Variants in PPARGC1A observed in about 807,000 individuals in gnomAD.
The protein encoded by PPARGC1A is peroxisome proliferator-activated receptor gamma coactivator 1-alpha.
In PPARGC1A, 25 loss-of-function variants were observed where a neutral mutation model predicts 88.7. The observed-to-expected ratio is 0.28, with a 90% CI of 0.21 to 0.39. The LOEUF is 0.39. PPARGC1A is among the 10% of genes least tolerant of loss of function. The pLI is 1.00. For missense variants in PPARGC1A, 880 were observed against 968.7 expected (o/e 0.91, Z 1.22); for synonymous variants, 363 against 355.6 (o/e 1.02, Z -0.24).
At chr4:23,803,990 T>C (rs894120166) in intron 10 of PPARGC1A, among the ~76,000 whole-genome samples, 1 of 152,222 alleles carries the variant, frequency 6.6e-6, no homozygotes, top group Non-Finnish European at 1.5e-5. Flanking sequence ...ACTGAACAAT[T>C]TGCAGACCCT....
chr4:24,290,838 C>T, the PPARGC1A span, among the ~76,000 whole-genome samples: 1 of 152,152 alleles, frequency 6.6e-6, no homozygotes, highest in South Asian at 2.1e-4. Flanking sequence ...GAAATCCATC[C>T]TAGGTGACAT....
At chr4:24,371,720 C>A in the PPARGC1A span, among the ~76,000 whole-genome samples, 25,714 of 150,560 alleles carry the variant, frequency 0.17, 2,321 homozygotes, top group Non-Finnish European at 0.19. Flanking sequence ...GCGGGAGGAT[C>A]ACCTGAGGTC....
At chr4:24,056,552 C>T in the PPARGC1A span, among the ~76,000 whole-genome samples, 251 of 152,182 alleles carry the variant, frequency 1.6e-3, 1 homozygote, top group African/African-American at 5.8e-3. Context: ...TGATCTGTGT[C>T]GATATGGCCA....
the PPARGC1A span, among the ~76,000 whole-genome samples, chr4:24,049,499 G>A: frequency 4.6e-5 from 7 of 151,834 alleles, no homozygotes; most frequent in South Asian, 2.1e-4. Flanking sequence ...CGGGGAAAAC[G>A]GGAAGAGAGT....
the PPARGC1A span, among the ~76,000 whole-genome samples, chr4:24,274,059 T>G: frequency 3.3e-3 from 496 of 152,092 alleles, 4 homozygotes; most frequent in African/African-American, 0.012. Context: ...TTTAAAGTCC[T>G]GTGGGGCAGC....
At chr4:23,839,057 T>C (rs948534824) in intron 2 of PPARGC1A, among the ~76,000 whole-genome samples, 1 of 152,204 alleles carries the variant, frequency 6.6e-6, no homozygotes, top group Non-Finnish European at 1.5e-5. Flanking sequence ...TTCACAGACA[T>C]AATTAGACCC....
intron 2 of PPARGC1A, among the ~76,000 whole-genome samples, chr4:23,844,490 T>TAA (rs1727692563): frequency 1.7e-4 from 4 of 23,508 alleles, no homozygotes; most frequent in South Asian, 1.5e-3. Flanking sequence ...ATTATAATAA[T>TAA]CATAATATAT....
the PPARGC1A span, among the ~76,000 whole-genome samples, chr4:24,404,368 G>C: frequency 2.0e-5 from 3 of 151,932 alleles, no homozygotes; most frequent in South Asian, 2.1e-4. Context: ...AGCCATGAAA[G>C]CCTTCTTAAA....
chr4:24,203,240 T>A, the PPARGC1A span, among the ~76,000 whole-genome samples: 2 of 152,180 alleles, frequency 1.3e-5, no homozygotes, highest in Non-Finnish European at 2.9e-5. Context: ...CTGCAGTTGT[T>A]TCATTAAGAA....
intron 2 of PPARGC1A, among the ~76,000 whole-genome samples, chr4:23,835,466 T>TTG (rs145407468): frequency 0.47 from 63,089 of 135,132 alleles, 14,601 homozygotes; most frequent in East Asian, 0.62. Context: ...GCATGGCGGC[T>TTG]TGTGTGTGTG....
intron 12 of PPARGC1A, among the ~76,000 whole-genome samples, chr4:23,800,270 T>C (rs985044192): frequency 6.6e-6 from 1 of 152,144 alleles, no homozygotes; most frequent in Non-Finnish European, 1.5e-5. Flanking sequence ...AATATAATTA[T>C]GTCATATGCA....
At chr4:24,047,689 C>G in the PPARGC1A span, among the ~76,000 whole-genome samples, 1 of 152,196 alleles carries the variant, frequency 6.6e-6, no homozygotes, top group Admixed American at 6.5e-5. Flanking sequence ...ACGAGTCCTT[C>G]TCAGCCAACA....
the PPARGC1A span, among the ~76,000 whole-genome samples, chr4:24,133,731 A>G: frequency 6.6e-6 from 1 of 152,174 alleles, no homozygotes; most frequent in Non-Finnish European, 1.5e-5. Flanking sequence ...AGAGATTGGT[A>G]TAGGCAAGCA....
chr4:23,923,890 T>C, the PPARGC1A span, among the ~76,000 whole-genome samples: 1 of 152,350 alleles, frequency 6.6e-6, no homozygotes, highest in East Asian at 1.9e-4. Context: ...GTGGAAGCTA[T>C]GTCATTTTCC....
the PPARGC1A span, among the ~76,000 whole-genome samples, chr4:24,050,613 A>G: frequency 6.6e-6 from 1 of 152,152 alleles, no homozygotes; most frequent in African/African-American, 2.4e-5. Flanking sequence ...ATTCTCTCAC[A>G]TCAGAGTTCC....
At chr4:24,381,574 C>T in the PPARGC1A span, among the ~76,000 whole-genome samples, 8 of 152,196 alleles carry the variant, frequency 5.3e-5, no homozygotes, top group African/African-American at 1.9e-4. Flanking sequence ...CATTATCTAG[C>T]TAAAACTCAT....
At chr4:23,979,605 C>T in the PPARGC1A span, among the ~76,000 whole-genome samples, 5 of 152,302 alleles carry the variant, frequency 3.3e-5, no homozygotes, top group East Asian at 7.7e-4. Flanking sequence ...CTGATATTTA[C>T]ACGATCACTT....
At chr4:23,993,521 T>C in the PPARGC1A span, among the ~76,000 whole-genome samples, 49 of 152,306 alleles carry the variant, frequency 3.2e-4, 1 homozygote, top group South Asian at 8.9e-3. Flanking sequence ...AGTCATGCTC[T>C]GCTTGTTGTA....
At chr4:23,938,663 T>A in the PPARGC1A span, among the ~76,000 whole-genome samples, 1 of 152,126 alleles carries the variant, frequency 6.6e-6, no homozygotes, top group Non-Finnish European at 1.5e-5. Flanking sequence ...GGACACCAAA[T>A]GGAGTGGTAG....
Sources: gnomAD v4.1 joint callset for allele counts (sites outside exome capture counted in the v4.1 genomes callset) on GRCh38, gnomAD v4.1.1 for gene constraint, MANE v1.5 for transcripts, NCBI Gene and HGNC (gene_info 2026-07-23, HGNC 2026-07-21) for gene names.